The following MAST4 variants were observed in gnomAD, a reference collection of about 807,000 sequenced individuals.
MAST4 encodes the protein microtubule-associated serine/threonine-protein kinase 4.
A neutral mutation model predicts 162.7 loss-of-function variants in MAST4; 89 were observed. That is an observed-to-expected ratio of 0.55 (90% CI 0.46 to 0.65). MAST4 has a LOEUF of 0.65. Among genes scored for constraint, MAST4 ranks in the 30% least tolerant of loss-of-function variants. The pLI, the probability that MAST4 is intolerant of heterozygous loss-of-function variation, is 0.00. For synonymous variants in MAST4, 1,479 were observed against 1,361.1 expected (o/e 1.09, Z -1.91); for missense variants, 3,153 against 3,374.0 (o/e 0.93, Z 1.62).
At position 66,910,741 on chromosome 5, in the gene MAST4, C is replaced by CTTTTTTTTTTTTTTT. The variant is rs1176127841; in HGVS notation, c.674+10772_674+10773insTTTTTTTTTTTTTTT. ...GAATACACATGTGGTTTTTTTTTTT[C>CTTTTTTTTTTTTTTT]TTTTTTTTTTTTTCTTTTTTTTTTT... is the stretch of plus-strand genomic sequence containing the variant. On this transcript the variant is annotated intron_variant, in intron 4 of 28. Coordinates refer to ENST00000403625, the MANE Select transcript of MAST4 (RefSeq NM_001164664.2). Among the ~76,000 whole-genome samples, 14 of 20,090 alleles carry CTTTTTTTTTTTTTTT rather than the reference C, an allele frequency of 7.0e-4. 1 individual carries two copies. Among genetic ancestry groups the CTTTTTTTTTTTTTTT allele is most frequent in the African/African-American group, 1.5e-3 (13 of 8,686 alleles). The allele number at this position is 20,090 out of a possible 152,430, so 13.2% of individuals were successfully genotyped here.
chr5:66,723,576 T>C (rs78040717), intron 1 of MAST4, among the ~76,000 whole-genome samples: 359 of 152,242 alleles, frequency 2.4e-3, no homozygotes, highest in Middle Eastern at 0.01. Context: ...TGATCACATA[T>C]CGAGATGAGA....
In MAST4 at chr5:66,951,598, A is replaced by ATGTGTGTG. The variant is rs59043309; in HGVS notation, c.674+51664_674+51671dup. 4.0e-3 allele frequency among the ~76,000 whole-genome samples: 487 copies of ATGTGTGTG among 122,406 alleles called. 2 individuals carry two copies. Among genetic ancestry groups the ATGTGTGTG allele is most frequent in the Admixed American group, 7.5e-3 (89 of 11,902 alleles). 80.3% of individuals were successfully genotyped at this position (122,406 alleles called of 152,430 possible). Reference sequence around the variant, plus strand: ...AGGCCATTATTTTGCCTCCCATGATATGTGTGTGTGTGTGTGTGTGTGTGT... The same window carrying ATGTGTGTG: ...AGGCCATTATTTTGCCTCCCATGATATGTGTGTGTGTGTGTGTGTGTGTGTGTGTGTGT... On this transcript the variant is annotated intron_variant, in intron 4 of 28. Coordinates refer to ENST00000403625, the MANE Select transcript of MAST4 (RefSeq NM_001164664.2).
chr5:67,136,781 T>A, intron 19 of MAST4, 117 bp downstream of exon 19: 1 of 734,720 alleles, frequency 1.4e-6, no homozygotes, highest in Non-Finnish European at 2.4e-6. Context: ...TTAGTTGATG[T>A]AGAACATGAC....
intron 1 of MAST4, among the ~76,000 whole-genome samples, chr5:66,687,514 ATG>A (rs749958758): frequency 8.6e-5 from 13 of 151,972 alleles, no homozygotes; most frequent in African/African-American, 2.4e-4. Context: ...GTATACATAG[ATG>A]TGTGTGTACA....
At chr5:66,891,245 CACA>C (rs1762345245) in intron 3 of MAST4, among the ~76,000 whole-genome samples, 1 of 152,118 alleles carries the variant, frequency 6.6e-6, no homozygotes, top group Admixed American at 6.5e-5. Context: ...TGAGCTCCAC[CACA>C]ACTATTCTAA....
At chr5:66,835,743 A>G (rs76862096) in intron 3 of MAST4, among the ~76,000 whole-genome samples, 2,548 of 152,322 alleles carry the variant, frequency 0.017, 44 homozygotes, top group South Asian at 0.025. Flanking sequence ...ATATGTAACC[A>G]TAGAGCTTTT....
intron 4 of MAST4, among the ~76,000 whole-genome samples, chr5:67,016,456 AT>A (rs1753295270): frequency 6.6e-6 from 1 of 152,216 alleles, no homozygotes; most frequent in South Asian, 2.1e-4. Context: ...TTCAAAAGAT[AT>A]TTGTAGAATA....
intron 2 of MAST4, among the ~76,000 whole-genome samples, chr5:66,775,046 T>TGTG (rs1580420980): frequency 6.7e-6 from 1 of 149,924 alleles, no homozygotes; most frequent in African/African-American, 2.5e-5. Context: ...TATGTGTGTG[T>TGTG]TTTCCCCCTG....
At chr5:66,871,724 G>C (rs1385947667) in intron 3 of MAST4, among the ~76,000 whole-genome samples, 1 of 152,156 alleles carries the variant, frequency 6.6e-6, no homozygotes, top group African/African-American at 2.4e-5. Context: ...TTCCACTCCA[G>C]GTCAACGTGT....
intron 26 of MAST4, among the ~76,000 whole-genome samples, chr5:67,155,730 A>G (rs1408642293): frequency 6.6e-6 from 1 of 152,148 alleles, no homozygotes; most frequent in Non-Finnish European, 1.5e-5. Flanking sequence ...TGATGTGCAC[A>G]GAGCTGATGT....
chr5:66,907,198 A>AGAGAGAGAGAGAGAGT (rs1763422526), intron 4 of MAST4, among the ~76,000 whole-genome samples: 1 of 107,856 alleles, frequency 9.3e-6, no homozygotes, highest in Non-Finnish European at 2.1e-5. Flanking sequence ...AGAGAGAGAG[A>AGAGAGAGAGAGAGAGT]GAGAGAGAGT....
At chr5:66,854,750 A>G (rs1475859040) in intron 3 of MAST4, among the ~76,000 whole-genome samples, 1 of 152,140 alleles carries the variant, frequency 6.6e-6, no homozygotes, top group Non-Finnish European at 1.5e-5. Context: ...ACTCAAGGAC[A>G]GACTAAAAAA....
chr5:67,059,546 A>G (rs1759297752), intron 5 of MAST4, among the ~76,000 whole-genome samples: 1 of 152,208 alleles, frequency 6.6e-6, no homozygotes, highest in South Asian at 2.1e-4. Flanking sequence ...GATGAGCCAC[A>G]GAGGAAAAGG....
chr5:66,600,555 A>C (rs1310565406), intron 1 of MAST4, among the ~76,000 whole-genome samples: 4 of 152,198 alleles, frequency 2.6e-5, no homozygotes, highest in Non-Finnish European at 5.9e-5. Flanking sequence ...GTGCTCAGTA[A>C]ATATATGTTG....
At chr5:66,951,314 A>C (rs1346719079) in intron 4 of MAST4, among the ~76,000 whole-genome samples, 1 of 152,176 alleles carries the variant, frequency 6.6e-6, no homozygotes. Flanking sequence ...TGGAAAGTTT[A>C]GTTGTCCAGC....
At chr5:66,943,544 A>G (rs11949601) in intron 4 of MAST4, among the ~76,000 whole-genome samples, 6,433 of 152,244 alleles carry the variant, frequency 0.042, 211 homozygotes, top group Middle Eastern at 0.078. Flanking sequence ...ATCTATTTAT[A>G]TAAAATTAAG....
chr5:66,837,705 G>C (rs1407235753), intron 3 of MAST4, among the ~76,000 whole-genome samples: 1 of 151,546 alleles, frequency 6.6e-6, no homozygotes, highest in African/African-American at 2.4e-5. Flanking sequence ...TGTGCAGCCA[G>C]AGTTGAAACC....
At chr5:66,678,173 C>T (rs1329073874) in intron 1 of MAST4, among the ~76,000 whole-genome samples, 6 of 151,752 alleles carry the variant, frequency 4.0e-5, no homozygotes, top group Non-Finnish European at 1.5e-5. Context: ...ACACATACTG[C>T]ATGATTTCCC....
At chr5:66,993,920 A>AT (rs796334866) in intron 4 of MAST4, among the ~76,000 whole-genome samples, 5 of 57,722 alleles carry the variant, frequency 8.7e-5, no homozygotes, top group Non-Finnish European at 1.7e-4. Context: ...TGTGCAGAAG[A>AT]CCCCCCCCCC....
Sources: gnomAD v4.1 joint callset for allele counts (sites outside exome capture counted in the v4.1 genomes callset) on GRCh38, gnomAD v4.1.1 for gene constraint, MANE v1.5 for transcripts, NCBI Gene and HGNC (gene_info 2026-07-23, HGNC 2026-07-21) for gene names.